Variants in KAZN observed in about 807,000 individuals in gnomAD.
KAZN encodes kazrin.
KAZN carries 40 observed loss-of-function variants against 87.4 expected under a neutral mutation model. The observed-to-expected ratio is 0.46, with a 90% CI of 0.36 to 0.60. The LOEUF is 0.60. Among genes scored for constraint, KAZN ranks in the 20% least tolerant of loss-of-function variants. The probability of loss-of-function intolerance (pLI) is 0.00; values close to 1 mark genes in which losing one functional copy is unlikely to be tolerated. For synonymous variants in KAZN, 466 were observed against 458.3 expected (o/e 1.02, Z -0.22); for missense variants, 898 against 1,073.9 (o/e 0.84, Z 2.29).
At chr1:14,386,269 T>C (rs374281729) in intron 2 of KAZN, among the ~76,000 whole-genome samples, 5,282 of 146,714 alleles carry the variant, frequency 0.036, 194 homozygotes, top group East Asian at 0.17. Context: ...CTTTATCCAA[T>C]TTGCCAGTCT....
intron 2 of KAZN, among the ~76,000 whole-genome samples, chr1:14,412,448 C>T (rs1016893745): frequency 2.0e-5 from 3 of 152,070 alleles, no homozygotes; most frequent in Non-Finnish European, 4.4e-5. Context: ...AGCAGTTTTG[C>T]TGAGAACAAG....
At chr1:14,452,227 AC>A (rs1223134385) in intron 2 of KAZN, among the ~76,000 whole-genome samples, 1 of 152,160 alleles carries the variant, frequency 6.6e-6, no homozygotes, top group African/African-American at 2.4e-5. Flanking sequence ...GACATGAGCT[AC>A]CATGCCTGGC....
At chr1:14,151,122 C>T (rs142110448) in intron 1 of KAZN, among the ~76,000 whole-genome samples, 60 of 152,174 alleles carry the variant, frequency 3.9e-4, no homozygotes, top group African/African-American at 1.4e-3. Context: ...CATGCTATAC[C>T]GTCTTCATCT....
rs918549024 is a variant in KAZN at position 14,735,786 on chromosome 1, C to T, written c.226+136563C>T. ...TCCACGATAGTCCAAGAAGCGCCGT[C>T]CCTGGCCCTGGGTTTGGTAAGTTGT... On this transcript the variant is annotated intron_variant, in intron 1 of 14. Transcript: ENST00000376030. This position sits in a 1 kb window ranked among gnomAD's most constrained non-coding sequence, Gnocchi z 4.3. Among the ~76,000 whole-genome samples, 12 of 152,322 alleles carry T rather than the reference C, an allele frequency of 7.9e-5. No homozygotes were observed. Among genetic ancestry groups the T allele is most frequent in the African/African-American group, 2.4e-4 (10 of 41,576 alleles).
intron 1 of KAZN, among the ~76,000 whole-genome samples, chr1:14,737,060 A>G (rs1308169790): frequency 1.3e-5 from 2 of 152,210 alleles, no homozygotes; most frequent in Non-Finnish European, 2.9e-5. Context: ...AAGAGGGAAT[A>G]TTGCAGGGAG....
At position 15,034,818 on chromosome 1, in the gene KAZN, A is replaced by T. The variant is rs1360091522; in HGVS notation, c.488A>T (p.Tyr163Phe). The T allele has an allele frequency of 7.4e-6, 12 of 1,614,068 alleles. No individual in the cohort carries two copies. Among genetic ancestry groups the T allele is most frequent in the Non-Finnish European group, 1.0e-5 (12 of 1,179,976 alleles). ...CTGGTGAGCCAGATGCAGCAGCTGT[A>T]TGCCACACTGGAGAGCCGCGAGGAG... ...TDLVSQMQQL[Y>F]ATLESREEQL... The change falls in exon 3 of 15, where the codon TAT (tyrosine) becomes TTT (phenylalanine). Residue 163 changes from tyrosine to phenylalanine, a missense_variant. Around this residue, in one of 3 missense-constraint regions of KAZN, gnomAD observed 250 missense variants for 263.0 expected, o/e 0.95. Coordinates refer to ENST00000376030, the MANE Select transcript of KAZN (RefSeq NM_201628.3).
chr1:14,530,821 A>G (rs1220883415), intron 2 of KAZN, among the ~76,000 whole-genome samples: 1 of 152,166 alleles, frequency 6.6e-6, no homozygotes, highest in African/African-American at 2.4e-5. Context: ...ATGGTGGTTC[A>G]TGCTTGTAAT....
intron 2 of KAZN, among the ~76,000 whole-genome samples, chr1:14,358,054 G>C (rs1427578597): frequency 1.3e-5 from 2 of 152,094 alleles, no homozygotes. Flanking sequence ...ATCTGCTCCT[G>C]GGCTTTTTTT....
chr1:14,037,060 G>A lies in KAZN; in HGVS notation c.91+143304G>A, dbSNP rs185547343. ...CCCAAAGTGCTGGGATTACAGGCAT[G>A]AGCCACTGCACCCAGCTGGAGTCTA... On this transcript the variant is annotated intron_variant, in intron 1 of 16. Coordinates refer to the KAZN transcript ENST00000636203. Among the ~76,000 whole-genome samples, 6 of 152,302 alleles carry A rather than the reference G, an allele frequency of 3.9e-5. No homozygotes were observed. In the East Asian group the frequency reaches 7.8e-4, roughly 20 times the overall value.
At chr1:14,056,780 T>C (rs973918922) in intron 1 of KAZN, among the ~76,000 whole-genome samples, 1 of 152,166 alleles carries the variant, frequency 6.6e-6, no homozygotes, top group African/African-American at 2.4e-5. Flanking sequence ...AATGGCCTTT[T>C]TTTAGACATA....
chr1:13,978,684 A>AT (rs919291592), intron 1 of KAZN, among the ~76,000 whole-genome samples: 13 of 150,714 alleles, frequency 8.6e-5, no homozygotes, highest in East Asian at 1.9e-4. Flanking sequence ...AAAAATCAGA[A>AT]TTTTTTTTTT....
intron 1 of KAZN, among the ~76,000 whole-genome samples, chr1:14,061,775 G>A (rs1642804060): frequency 6.6e-6 from 1 of 152,214 alleles, no homozygotes; most frequent in African/African-American, 2.4e-5. Context: ...AGATTGAAGA[G>A]TATTAAGGAG....
chr1:14,077,705 T>C (rs959431948), intron 1 of KAZN, among the ~76,000 whole-genome samples: 1 of 152,220 alleles, frequency 6.6e-6, no homozygotes, highest in South Asian at 2.1e-4. Context: ...CCCTGGTACC[T>C]GTGAATGTGA....
At chr1:14,874,084 G>A (rs1172849164) in intron 1 of KAZN, among the ~76,000 whole-genome samples, 1 of 152,176 alleles carries the variant, frequency 6.6e-6, no homozygotes. Context: ...TCTGAGAGTT[G>A]ACTGTCCAAA....
chr1:13,954,909 T>C (rs1641485725), intron 1 of KAZN, among the ~76,000 whole-genome samples: 1 of 152,246 alleles, frequency 6.6e-6, no homozygotes, highest in African/African-American at 2.4e-5. Context: ...CTTCACCCTC[T>C]TTCCAATGCT....
At chr1:14,560,397 T>C (rs543060183) in intron 2 of KAZN, among the ~76,000 whole-genome samples, 1 of 152,116 alleles carries the variant, frequency 6.6e-6, no homozygotes, top group Admixed American at 6.5e-5. Context: ...CTGGCCAACA[T>C]GATGAAACCC....
intron 1 of KAZN, among the ~76,000 whole-genome samples, chr1:14,929,380 A>G (rs1396635416): frequency 6.6e-6 from 1 of 152,180 alleles, no homozygotes. Flanking sequence ...ACCAAGCACC[A>G]TTTATGTTCT....
chr1:14,593,908 G>A (rs749438885), upstream of KAZN, among the ~76,000 whole-genome samples: 17 of 152,194 alleles, frequency 1.1e-4, no homozygotes, highest in Non-Finnish European at 1.8e-4. Context: ...GAAGTGCCAC[G>A]TGACACACAT....
intron 2 of KAZN, among the ~76,000 whole-genome samples, chr1:14,584,031 G>A (rs1675705822): frequency 6.6e-6 from 1 of 152,110 alleles, no homozygotes; most frequent in Non-Finnish European, 1.5e-5. Context: ...TTGTTGTTGG[G>A]GCAGGGATGT....
Sources: allele counts gnomAD v4.1 joint callset (sites outside exome capture counted in the v4.1 genomes callset), GRCh38; gene constraint gnomAD v4.1.1; regional missense constraint gnomAD v4.1.1; non-coding constraint Gnocchi (gnomAD v3.1); transcripts MANE v1.5; gene names NCBI Gene and HGNC (gene_info 2026-07-23, HGNC 2026-07-21).